PSG2: variants seen among roughly 807,000 people sequenced by gnomAD.
PSG2 encodes the protein pregnancy specific beta-1-glycoprotein 2.
Under a neutral mutation model 36.2 loss-of-function variants are expected in PSG2, and 49 were observed. The observed-to-expected ratio is 1.35, with a 90% CI of 1.08 to 1.72. The LOEUF (loss-of-function observed/expected upper bound fraction) is 1.72. PSG2 is among the 40% of genes most tolerant of loss of function. The pLI, the probability that PSG2 is intolerant of heterozygous loss-of-function variation, is 0.00. For synonymous variants in PSG2, 261 were observed against 155.6 expected (o/e 1.68, Z -5.04); for missense variants, 605 against 407.2 (o/e 1.49, Z -4.18).
At chr19:43,077,794 C>G (rs189407351) in intron 2 of PSG2, among the ~76,000 whole-genome samples, 2 of 151,812 alleles carry the variant, frequency 1.3e-5, no homozygotes, top group African/African-American at 4.9e-5. Context: ...AGTTGTTCCA[C>G]TTTTTCTTCC....
rs375270893 is a variant in PSG2, at chr19:43,081,198, A to G, written c.113T>C (p.Ile38Thr). 20 of 1,612,596 alleles carry G rather than the reference A, an allele frequency of 1.2e-5. No homozygotes were observed. The highest frequency in any genetic ancestry group is 2.2e-5 in the South Asian group (2 of 91,026). Residue 38 changes from isoleucine to threonine, a missense_variant, in exon 2 of 6, where the codon ATT becomes ACT. Physicochemically the swap from Ile to Thr is moderately conservative, Grantham distance 89 (BLOSUM62 -1). Coordinates refer to ENST00000406487, the MANE Select transcript of PSG2 (RefSeq NM_031246.4). ...GGAAACTTTTGGTGGCTGGGCTTCA[A>G]TCGTGACTTGGGCAGTGGTGGGCAG... is the stretch of plus-strand genomic sequence containing the variant. ...WNLPTTAQVT[I>T]EAQPPKVSEG...
At position 43,081,839 on chromosome 19, in the gene PSG2, T is replaced by G. The variant is rs1361470215; in HGVS notation, c.65-593A>C. ...TCAGGGCCCTCCACACCCTTGGTGT[T>G]TTTTTTTTTCTCCCCCAATTGTTGA... On this transcript the variant is annotated intron_variant, in intron 1 of 5. Coordinates refer to ENST00000406487, the MANE Select transcript of PSG2 (RefSeq NM_031246.4). 5 of 85,758 alleles carry G rather than the reference T, an allele frequency of 5.8e-5. No individual in the cohort carries two copies. The South Asian group carries it at 1.2e-3, about 20-fold the overall frequency. The allele number at this position is 85,758 out of a possible 1,614,324, so 5.3% of individuals were successfully genotyped here.
intron 3 of PSG2, among the ~76,000 whole-genome samples, chr19:43,074,712 G>A (rs921012573): frequency 4.6e-5 from 7 of 151,716 alleles, no homozygotes; most frequent in Non-Finnish European, 7.4e-5. Context: ...AGGGACTATG[G>A]TCCTCTTGAT....
Position 43,071,965 on chromosome 19 carries a change from G to A in PSG2, c.710-11C>T. ...GGAGGTCTGGACCATCTGGAGCAAAGAGAATAAAGCCACAGGTGATGCCAT... is the reference window on the plus strand; with the variant it reads ...GGAGGTCTGGACCATCTGGAGCAAAAAGAATAAAGCCACAGGTGATGCCAT... On this transcript the variant is annotated splice_polypyrimidine_tract_variant and intron_variant, in intron 3 of 5. Transcript: ENST00000406487. 6.2e-7 allele frequency: 1 copy of A among 1,611,290 alleles called. No individual in the cohort carries two copies. Among genetic ancestry groups the A allele is most frequent in the Non-Finnish European group, 8.5e-7 (1 of 1,178,530 alleles).
intron 3 of PSG2, chr19:43,072,775 T>G (rs1023054347): frequency 6.8e-7 from 1 of 1,462,656 alleles, no homozygotes. Context: ...ACAAGACAGA[T>G]GCATGATGAT....
chr19:43,076,899 A>G (rs1200522551), intron 2 of PSG2, among the ~76,000 whole-genome samples: 2 of 151,634 alleles, frequency 1.3e-5, no homozygotes, highest in East Asian at 3.9e-4. Context: ...TAAAATCCAC[A>G]ATGCGCCAGT....
chr19:43,080,855 C>A (rs565978585), intron 2 of PSG2, 26 bp downstream of exon 2: 11 of 1,611,770 alleles, frequency 6.8e-6, no homozygotes. Context: ...TCCCCCAACA[C>A]CCAGGGATCA....
At chr19:43,065,608 G>A (rs1967729078) in intron 5 of PSG2, 1 of 151,610 alleles carries the variant, frequency 6.6e-6, no homozygotes, top group Admixed American at 6.6e-5. Flanking sequence ...ATTTCTTGTG[G>A]CATTCAATTT....
chr19:43,077,247 T>C (rs1355813041), intron 2 of PSG2, among the ~76,000 whole-genome samples: 1 of 151,468 alleles, frequency 6.6e-6, no homozygotes, highest in East Asian at 1.9e-4. Flanking sequence ...ATGCCAAAGG[T>C]GATTGGAAAT....
chr19:43,068,313 C>A (rs1349493760), intron 4 of PSG2, among the ~76,000 whole-genome samples: 3 of 151,208 alleles, frequency 2.0e-5, no homozygotes, highest in Admixed American at 2.0e-4. Flanking sequence ...TTGACATGCA[C>A]CTGTAGTCCT....
chr19:43,076,124 C>T (rs138548806), intron 2 of PSG2, among the ~76,000 whole-genome samples: 6,623 of 151,730 alleles, frequency 0.044, 294 homozygotes, highest in Admixed American at 0.11. Flanking sequence ...GAAAGCCTGG[C>T]CTGGGACTGG....
In PSG2 at chr19:43,075,357, G is replaced by A. The variant is rs80111798; in HGVS notation, c.706C>T (p.Leu236Phe). The change falls in exon 3 of 6, where the codon CTC becomes TTC. Residue 236 changes from leucine (L) to phenylalanine (F), a missense_variant. By Grantham distance (22) the Leu-to-Phe change is conservative (BLOSUM62 0). Transcript: ENST00000406487. ...CAGAGGAACAGAAGATACTCACGGA[G>A]GAGATTCAGGGTGACTGGGTCACTG... ...SRSDPVTLNL[L>F]HGPDLPRIHP... The A allele has an allele frequency of 3.6e-4, 577 of 1,613,154 alleles. 13 individuals carry two copies. In the African/African-American group the frequency reaches 6.8e-3, roughly 19 times the overall value.
chr19:43,067,416 A>G (rs1363241676), intron 4 of PSG2, among the ~76,000 whole-genome samples: 1 of 150,764 alleles, frequency 6.6e-6, no homozygotes, highest in Admixed American at 6.6e-5. Context: ...GTCAGTAACC[A>G]TGTCCTAGTG....
At chr19:43,079,653 G>C (rs1398134534) in intron 2 of PSG2, among the ~76,000 whole-genome samples, 1 of 148,908 alleles carries the variant, frequency 6.7e-6, no homozygotes, top group Non-Finnish European at 1.5e-5. Context: ...TCAGTGATGG[G>C]GGTTAAGATC....
At position 43,075,532 on chromosome 19, in the gene PSG2, G is replaced by A; in HGVS notation, c.531C>T (p.Ser177=). 1.2e-6 allele frequency: 2 copies of A among 1,613,308 alleles called. No individual in the cohort carries two copies. Among genetic ancestry groups the A allele is most frequent in the Non-Finnish European group, 8.5e-7 (1 of 1,179,770 alleles). Residue 177 remains serine (S), a synonymous_variant, in exon 3 of 6, where the codon AGC becomes AGT. Transcript: ENST00000406487. ...TCTGACCATTCATCCACCACTGGTAGCTTGTGTCCGGAGTCTCAGGATCAC... is the reference window on the plus strand; with the variant it reads ...TCTGACCATTCATCCACCACTGGTAACTTGTGTCCGGAGTCTCAGGATCAC... ...LTCDPETPDT[S]YQWWMNGQSL...
chr19:43,081,863 G>C (rs1401453369), intron 1 of PSG2: 2 of 155,170 alleles, frequency 1.3e-5, no homozygotes, highest in African/African-American at 2.5e-5. Flanking sequence ...CCCAATTGTT[G>C]AGGTTTTTTG....
rs1967744871 is a variant in PSG2, at chr19:43,066,735, G to A, written c.965-135C>T. On this transcript the variant is annotated intron_variant, in intron 4 of 5. Coordinates refer to ENST00000406487, the MANE Select transcript of PSG2 (RefSeq NM_031246.4). ...ACCACATTATTTCTCTTGGAATATTGATGGGAGATGATTATATTCTTGCAG... is the reference window on the plus strand; with the variant it reads ...ACCACATTATTTCTCTTGGAATATTAATGGGAGATGATTATATTCTTGCAG... 5 of 1,347,636 alleles carry A rather than the reference G, an allele frequency of 3.7e-6. No individual in the cohort carries two copies. In the Admixed American group the frequency reaches 8.9e-5, roughly 24 times the overall value. 83.5% of individuals were successfully genotyped at this position (1,347,636 alleles called of 1,614,324 possible).
Position 43,078,123 on chromosome 19 carries a change from T to A in PSG2, c.431-2491A>T, listed in dbSNP as rs989757320. On this transcript the variant is annotated intron_variant, in intron 2 of 5. Coordinates refer to ENST00000406487, the MANE Select transcript of PSG2 (RefSeq NM_031246.4). Reference sequence around the variant, plus strand: ...GTGACAGCAAACTAGCATGGCTGACTCCATCTGGCATCTAGTCTCAGGCTG... The same window carrying A: ...GTGACAGCAAACTAGCATGGCTGACACCATCTGGCATCTAGTCTCAGGCTG... 3.3e-5 allele frequency among the ~76,000 whole-genome samples: 5 copies of A among 151,808 alleles called. 1 individual carries two copies. The highest frequency in any genetic ancestry group is 1.2e-4 in the African/African-American group (5 of 41,164).
intron 2 of PSG2, among the ~76,000 whole-genome samples, 191 bp from the exon 3 acceptor site, chr19:43,075,823 A>G (rs1186240434): frequency 6.6e-6 from 1 of 151,566 alleles, no homozygotes; most frequent in African/African-American, 2.4e-5. Context: ...TGCCTGCTTT[A>G]TGTGGGAGAA....
Sources: gnomAD v4.1 joint callset for allele counts (sites outside exome capture counted in the v4.1 genomes callset) on GRCh38, gnomAD v4.1.1 for gene constraint, MANE v1.5 for transcripts, NCBI Gene and HGNC (gene_info 2026-07-23, HGNC 2026-07-21) for gene names.